The following LRRTM4 variants were observed in gnomAD, a reference collection of about 807,000 sequenced individuals.
LRRTM4 encodes leucine-rich repeat transmembrane neuronal protein 4.
In LRRTM4, 25 loss-of-function variants were observed where a neutral mutation model predicts 47.6. The ratio of observed to expected loss-of-function variants is 0.53; its 90% confidence interval spans 0.38 to 0.73. The LOEUF (loss-of-function observed/expected upper bound fraction) is 0.73, where lower values mean the gene tolerates loss of function less well. LRRTM4 is among the 30% of genes least tolerant of loss of function. The pLI is 0.00. For missense variants in LRRTM4, 638 were observed against 713.4 expected, an observed-to-expected ratio of 0.89 and a Z score of 1.20; for synonymous variants, 311 against 269.5, an observed-to-expected ratio of 1.15 and a Z score of -1.51.
chr2:76,922,896 G>T (rs1189615008), intron 3 of LRRTM4, among the ~76,000 whole-genome samples: 1 of 151,956 alleles, frequency 6.6e-6, no homozygotes. Context: ...GGAGAAAATT[G>T]CTAAACAAAA....
At chr2:76,879,612 C>A (rs1314532042) in intron 3 of LRRTM4, among the ~76,000 whole-genome samples, 2 of 152,146 alleles carry the variant, frequency 1.3e-5, no homozygotes, top group Non-Finnish European at 2.9e-5. Flanking sequence ...GTTTTCATGC[C>A]TGTTAACTCA....
chr2:77,217,396 A>G (rs1346543959), intron 3 of LRRTM4, among the ~76,000 whole-genome samples: 2 of 50,610 alleles, frequency 4.0e-5, no homozygotes, highest in Non-Finnish European at 6.8e-5. Flanking sequence ...TTAATTAATT[A>G]TATTAATTAA....
At chr2:77,402,265 C>T (rs1673990573) in intron 3 of LRRTM4, among the ~76,000 whole-genome samples, 1 of 151,890 alleles carries the variant, frequency 6.6e-6, no homozygotes, top group Non-Finnish European at 1.5e-5. Context: ...TCCACATCAG[C>T]CTCCTGAGGG....
intron 3 of LRRTM4, among the ~76,000 whole-genome samples, chr2:76,869,531 A>T (rs1211902761): frequency 6.6e-6 from 1 of 152,024 alleles, no homozygotes; most frequent in Non-Finnish European, 1.5e-5. Context: ...AAATGAATGG[A>T]AGGTGGGAAA....
chr2:76,921,553 A>G (rs1674433523), intron 3 of LRRTM4, among the ~76,000 whole-genome samples: 1 of 152,094 alleles, frequency 6.6e-6, no homozygotes, highest in African/African-American at 2.4e-5. Flanking sequence ...TAGTACCTAT[A>G]TAAATTATTT....
chr2:76,882,021 T>A (rs530073524), intron 3 of LRRTM4, among the ~76,000 whole-genome samples: 93 of 152,286 alleles, frequency 6.1e-4, no homozygotes, highest in South Asian at 1.2e-3. Context: ...ATATTACTGA[T>A]AAACCACAAT....
intron 3 of LRRTM4, among the ~76,000 whole-genome samples, chr2:77,082,843 T>TTA (rs1680577389): frequency 6.6e-6 from 1 of 152,130 alleles, no homozygotes; most frequent in Non-Finnish European, 1.5e-5. Context: ...GTTTTAAACA[T>TTA]TATATACATA....
At chr2:77,501,309 T>TACAA (rs1448401209) in intron 3 of LRRTM4, among the ~76,000 whole-genome samples, 15 of 150,766 alleles carry the variant, frequency 9.9e-5, no homozygotes, top group Non-Finnish European at 1.8e-4. Flanking sequence ...TTTTCATATA[T>TACAA]ATTTGTATAT....
chr2:77,089,604 C>G (rs903000118), intron 3 of LRRTM4, among the ~76,000 whole-genome samples: 125 of 151,960 alleles, frequency 8.2e-4, no homozygotes, highest in Non-Finnish European at 2.2e-4. Context: ...TCTCTACTCT[C>G]TCTTTTCTCT....
chr2:77,297,292 A>C (rs759873906), intron 3 of LRRTM4, among the ~76,000 whole-genome samples: 3 of 152,198 alleles, frequency 2.0e-5, no homozygotes, highest in Non-Finnish European at 4.4e-5. Context: ...CATAGTAAAA[A>C]TAATTGACTA....
chr2:77,218,573 T>C (rs1348397015), intron 3 of LRRTM4, among the ~76,000 whole-genome samples: 1 of 152,030 alleles, frequency 6.6e-6, no homozygotes, highest in African/African-American at 2.4e-5. Context: ...ATGGTTTTAA[T>C]GTCTCACCAA....
chr2:77,501,275 A>C (rs1372488025), intron 3 of LRRTM4, among the ~76,000 whole-genome samples: 1 of 150,920 alleles, frequency 6.6e-6, no homozygotes, highest in Non-Finnish European at 1.5e-5. Context: ...CAGCAAAATA[A>C]AAATTTTAAT....
rs190048990 is a variant in LRRTM4, at chr2:77,248,156, T to C, written c.1551+270162A>G. On this transcript the variant is annotated intron_variant, in intron 3 of 3. Coordinates refer to ENST00000409884, the MANE Select transcript of LRRTM4 (RefSeq NM_001134745.3). ...CTGATTTCAGCTGTTCTTATGAATA[T>C]ATAAATGTATATATATGCATTCATG... Among the ~76,000 whole-genome samples, 256 of 151,248 alleles carry C rather than the reference T, an allele frequency of 1.7e-3. 1 individual carries two copies. The highest frequency in any genetic ancestry group is 5.3e-3 in the African/African-American group (218 of 41,440).
In LRRTM4 at chr2:77,399,118, G is replaced by A. The variant is rs147275684; in HGVS notation, c.1551+119200C>T. Among the ~76,000 whole-genome samples the A allele has an allele frequency of 9.9e-4, 148 of 149,998 alleles. 2 individuals carry two copies. The East Asian group carries it at 0.016, about 16-fold the overall frequency. On this transcript the variant is annotated intron_variant, in intron 3 of 3. Coordinates refer to ENST00000409884, the MANE Select transcript of LRRTM4 (RefSeq NM_001134745.3). Reference sequence around the variant, plus strand: ...CTTGGTCTCCCTCTGCCTCTCAAACGTGATGCCATTCCTATTGAAGTCAAT... The same window carrying A: ...CTTGGTCTCCCTCTGCCTCTCAAACATGATGCCATTCCTATTGAAGTCAAT...
At chr2:77,401,004 C>T (rs1354762400) in intron 3 of LRRTM4, among the ~76,000 whole-genome samples, 1 of 151,862 alleles carries the variant, frequency 6.6e-6, no homozygotes, top group Non-Finnish European at 1.5e-5. Context: ...ACATATTTTC[C>T]GTGCTACTTT....
intron 3 of LRRTM4, among the ~76,000 whole-genome samples, chr2:76,897,598 T>A (rs1490776977): frequency 6.6e-6 from 1 of 152,110 alleles, no homozygotes. Context: ...CCTTAGGCCT[T>A]TGTTAAAGGT....
intron 3 of LRRTM4, among the ~76,000 whole-genome samples, chr2:76,761,626 G>C (rs72917770): frequency 9.2e-5 from 14 of 152,182 alleles, no homozygotes; most frequent in Non-Finnish European, 1.9e-4. Context: ...TTAATTTACT[G>C]AGATGGTAGT....
intron 3 of LRRTM4, among the ~76,000 whole-genome samples, chr2:77,446,669 AAG>A (rs1676066624): frequency 6.6e-6 from 1 of 151,976 alleles, no homozygotes; most frequent in Admixed American, 6.6e-5. Context: ...TGATGTAAAC[AAG>A]AGTCAGAGCT....
At chr2:76,846,338 G>A (rs1671836704) in intron 3 of LRRTM4, among the ~76,000 whole-genome samples, 2 of 152,104 alleles carry the variant, frequency 1.3e-5, no homozygotes, top group South Asian at 4.1e-4. Context: ...TCTTCAAGTT[G>A]CCCTGGTCCC....
Sources: gnomAD v4.1 joint callset for allele counts (sites outside exome capture counted in the v4.1 genomes callset) on GRCh38, gnomAD v4.1.1 for gene constraint, MANE v1.5 for transcripts, NCBI Gene and HGNC (gene_info 2026-07-23, HGNC 2026-07-21) for gene names.